TNFRSF18: variants seen among roughly 807,000 people sequenced by gnomAD.
TNFRSF18 encodes TNF receptor superfamily member 18, also known as tumor necrosis factor receptor superfamily member 18.
TNFRSF18 carries 36 observed loss-of-function variants against 30.2 expected under a neutral mutation model. The ratio of observed to expected loss-of-function variants is 1.19; its 90% CI spans 0.91 to 1.58. TNFRSF18 has a LOEUF of 1.58. Ranked by LOEUF, TNFRSF18 falls within the 40% of genes most tolerant of loss-of-function variation. The pLI, the probability that TNFRSF18 is intolerant of heterozygous loss-of-function variation, is 0.00. For synonymous variants in TNFRSF18, 173 were observed against 158.3 expected (o/e 1.09, Z -0.70); for missense variants, 369 against 345.4 (o/e 1.07, Z -0.54).
At position 1,203,714 on chromosome 1, in the gene TNFRSF18, A is replaced by G. The variant is rs1318164859; in HGVS notation, c.*130T>C. 5 of 1,560,118 alleles carry G rather than the reference A, an allele frequency of 3.2e-6. No individual in the cohort carries two copies. Among genetic ancestry groups the G allele is most frequent in the Non-Finnish European group, 4.3e-6 (5 of 1,158,506 alleles). On this transcript the variant is annotated 3_prime_UTR_variant, in exon 5 of 5. Coordinates refer to ENST00000379268, the MANE Select transcript of TNFRSF18 (RefSeq NM_004195.3). Reference sequence around the variant, plus strand: ...ATGGTCCAGGGCGCTGGTCACTGCCACCTTCCTGCACCCACTTCTGCTGCC... The same window carrying G: ...ATGGTCCAGGGCGCTGGTCACTGCCGCCTTCCTGCACCCACTTCTGCTGCC...
Position 1,203,930 on chromosome 1 carries a change from C to T in TNFRSF18, c.640G>A (p.Asp214Asn), listed in dbSNP as rs1163456816. The change falls in exon 5 of 5, where the codon GAC (aspartate) becomes AAC (asparagine). Residue 214 changes from aspartate to asparagine, a missense_variant. Transcript: ENST00000379268. ...LLLEVPPSTE[D>N]ARSCQFPEEE... is the part of the protein sequence containing the mutation. ...TCGGGGAACTGGCAGCTTCTGGCGTCTTCGGTCGACGGCGGCACCTCCAGC... is the reference window on the plus strand; with the variant it reads ...TCGGGGAACTGGCAGCTTCTGGCGTTTTCGGTCGACGGCGGCACCTCCAGC... 1 of 1,607,836 alleles carries T rather than the reference C, an allele frequency of 6.2e-7. No homozygotes were observed. The highest frequency in any genetic ancestry group is 8.5e-7 in the Non-Finnish European group (1 of 1,179,446).
chr1:1,203,515 A>G lies in TNFRSF18; in HGVS notation c.*329T>C. On this transcript the variant is annotated 3_prime_UTR_variant, in exon 5 of 5. Coordinates refer to ENST00000379268, the MANE Select transcript of TNFRSF18 (RefSeq NM_004195.3). ...AGCATGCATCCACTCAGGTCACTGG[A>G]CAAGTGTTTATTGAAGGTCCCCTGC... is the stretch of plus-strand genomic sequence containing the variant. 1 of 1,413,390 alleles carries G rather than the reference A, an allele frequency of 7.1e-7. No homozygotes were observed. Among genetic ancestry groups the G allele is most frequent in the Non-Finnish European group, 9.2e-7 (1 of 1,086,928 alleles). 87.6% of individuals were successfully genotyped at this position (1,413,390 alleles called of 1,614,324 possible).
chr1:1,204,345 C>T, intron 3 of TNFRSF18, 54 bp downstream of exon 3: 1 of 1,600,420 alleles, frequency 6.2e-7, no homozygotes, highest in Non-Finnish European at 8.5e-7. Context: ...GAGGACCCTT[C>T]CTCAGAGTGG....
Position 1,203,873 on chromosome 1 carries a change from TCTC to T in TNFRSF18, c.694_696del (p.Glu232del), listed in dbSNP as rs1648660078. On this transcript the variant is annotated inframe_deletion, in exon 5 of 5. Coordinates refer to ENST00000379268, the MANE Select transcript of TNFRSF18 (RefSeq NM_004195.3). ...ACCCACAGGTCTCCCAGCCGCCCCTTCTCCTCTGCCGATCGCTCGCCCCGCTCT... is the reference window on the plus strand; with the variant it reads ...ACCCACAGGTCTCCCAGCCGCCCCTTCTCTGCCGATCGCTCGCCCCGCTCT... 3 of 1,601,846 alleles carry T rather than the reference TCTC, an allele frequency of 1.9e-6. No individual in the cohort carries two copies. The highest frequency in any genetic ancestry group is 4.5e-5 in the East Asian group (2 of 44,666).
chr1:1,203,552 G>T lies in TNFRSF18; in HGVS notation c.*292C>A. The T allele has an allele frequency of 6.8e-7, 1 of 1,468,608 alleles. No individual in the cohort carries two copies. Among genetic ancestry groups the T allele is most frequent in the Non-Finnish European group, 8.9e-7 (1 of 1,117,462 alleles). The allele number at this position is 1,468,608 out of a possible 1,614,324, so 91.0% of individuals were successfully genotyped here. ...TGAAGGTCCCCTGCAGCCGGGTCCC[G>T]TGCTGGGCACTGCACACCCACGGAC... On this transcript the variant is annotated 3_prime_UTR_variant, in exon 5 of 5. Coordinates refer to ENST00000379268, the MANE Select transcript of TNFRSF18 (RefSeq NM_004195.3).
chr1:1,206,343 A>G (rs11466678), intron 1 of TNFRSF18, 42 bp downstream of exon 1: 94,016 of 1,534,590 alleles, frequency 0.061, 3,509 homozygotes, highest in East Asian at 0.15. Context: ...CTTCCGCGGG[A>G]CGCCTTGGCC....
Position 1,203,984 on chromosome 1 carries a change from G to C in TNFRSF18, c.602-16C>G, listed in dbSNP as rs199981192. The C allele has an allele frequency of 6.2e-7, 1 of 1,606,562 alleles. No homozygotes were observed. On this transcript the variant is annotated splice_polypyrimidine_tract_variant and intron_variant, in intron 4 of 4. Coordinates refer to ENST00000379268, the MANE Select transcript of TNFRSF18 (RefSeq NM_004195.3). ...AGCTGGGTCTCTGCAGGGGGGCCAC[G>C]GTCAGCAGGCAGCCATGCTCCCACC...
Position 1,204,500 on chromosome 1 carries a change from TGGGGGGA to T in TNFRSF18, c.311-21_311-15del. On this transcript the variant is annotated splice_polypyrimidine_tract_variant and intron_variant, in intron 2 of 4. Coordinates refer to ENST00000379268, the MANE Select transcript of TNFRSF18 (RefSeq NM_004195.3). ...AACTGAATTTCCCTGGTGTGGGGTG[TGGGGGGA>T]GGGAGGGAGGGAGGCTGGTGGAGTT... 3 of 354,678 alleles carry T rather than the reference TGGGGGGA, an allele frequency of 8.5e-6. No individual in the cohort carries two copies. Among genetic ancestry groups the T allele is most frequent in the Non-Finnish European group, 1.7e-5 (3 of 181,162 alleles). The allele number at this position is 354,678 out of a possible 1,614,324, so 22.0% of individuals were successfully genotyped here. A position where few individuals can be genotyped will look rare whatever the true frequency, so the allele number is the denominator to read the frequency against.
At chr1:1,206,059 G>A (rs1469479492) in intron 1 of TNFRSF18, among the ~76,000 whole-genome samples, 3 of 152,204 alleles carry the variant, frequency 2.0e-5, no homozygotes, top group Non-Finnish European at 2.9e-5. Context: ...GGCAGGAGGG[G>A]GCTGGGCGAT....
chr1:1,205,500 G>GGA lies in TNFRSF18; in HGVS notation c.188-10_188-9dup. The GGA allele has an allele frequency of 4.3e-6, 7 of 1,610,046 alleles. No individual in the cohort carries two copies. The highest frequency in any genetic ancestry group is 1.7e-4 in the Middle Eastern group (1 of 6,040). On this transcript the variant is annotated splice_polypyrimidine_tract_variant and intron_variant, in intron 1 of 4. Coordinates refer to ENST00000379268, the MANE Select transcript of TNFRSF18 (RefSeq NM_004195.3). The stretch of plus-strand genomic sequence containing the variant: ...CGGAACAGCACTCCTCGCCTGGGCA[G>GGA]GAGACAGGCCAGCCCCCCAGCAGCT...
intron 1 of TNFRSF18, among the ~76,000 whole-genome samples, chr1:1,206,148 C>T (rs1648814089): frequency 1.3e-5 from 2 of 152,192 alleles, no homozygotes; most frequent in South Asian, 4.1e-4. Flanking sequence ...CTCTTGAGGG[C>T]GCTCCCACCT....
intron 3 of TNFRSF18, 35 bp from the exon 4 acceptor site, chr1:1,204,271 C>T (rs779555120): frequency 1.8e-5 from 28 of 1,596,748 alleles, no homozygotes; most frequent in Non-Finnish European, 2.2e-5. Context: ...TATCAGCCCC[C>T]GGACACGGCC....
chr1:1,206,579 T>C lies in TNFRSF18; in HGVS notation c.-8A>G. ...CGCCCCGTGCTGTGCCATGCTCGGG[T>C]TTCAAGAGCCCACAGCCAGTTGGAC... On this transcript the variant is annotated 5_prime_UTR_variant, in exon 1 of 5. Coordinates refer to ENST00000379268, the MANE Select transcript of TNFRSF18 (RefSeq NM_004195.3). 1 of 1,482,414 alleles carries C rather than the reference T, an allele frequency of 6.7e-7. No individual in the cohort carries two copies. The highest frequency in any genetic ancestry group is 1.5e-5 in the African/African-American group (1 of 68,270). 91.8% of individuals were successfully genotyped at this position (1,482,414 alleles called of 1,614,324 possible). A position where few individuals can be genotyped will look rare whatever the true frequency, so the allele number is the denominator to read the frequency against.
chr1:1,204,512 G>T, intron 2 of TNFRSF18, 26 bp from the exon 3 acceptor site: 2 of 1,491,926 alleles, frequency 1.3e-6, no homozygotes, highest in South Asian at 1.1e-5. Flanking sequence ...GGGGGAGGGA[G>T]GGAGGGAGGC....
chr1:1,205,677 C>A, intron 1 of TNFRSF18, 185 bp from the exon 2 acceptor site: 2 of 649,534 alleles, frequency 3.1e-6, no homozygotes, highest in Non-Finnish European at 2.6e-6. Flanking sequence ...TCTCCTGGGG[C>A]CATGTGGCCT....
At position 1,205,431 on chromosome 1, in the gene TNFRSF18, G is replaced by T. The variant is rs774519078; in HGVS notation, c.249C>A (p.Asp83Glu). Residue 83 changes from aspartate to glutamate, a missense_variant, in exon 2 of 5, where the codon GAC becomes GAA. By Grantham distance (45) the Asp-to-Glu change is conservative (BLOSUM62 2). Transcript: ENST00000379268. ...GGTGCCGGCAGGTCGTGCAGCAAGG[G>T]TCTCCGCAGTGGAATTCAGGCTGGA... Reference protein sequence around the residue: ...MCVQPEFHCGDPCCTTCRHHP... With the variant: ...MCVQPEFHCGEPCCTTCRHHP... 5 of 1,612,640 alleles carry T rather than the reference G, an allele frequency of 3.1e-6. No individual in the cohort carries two copies. In the East Asian group the frequency reaches 1.1e-4, roughly 36 times the overall value.
chr1:1,205,027 G>C (rs1341943277), intron 2 of TNFRSF18, among the ~76,000 whole-genome samples: 2 of 152,196 alleles, frequency 1.3e-5, no homozygotes, highest in Non-Finnish European at 2.9e-5. Context: ...CAGGACTCCG[G>C]GGGGCACAGG....
In TNFRSF18 at chr1:1,205,496, G is replaced by A. The variant is rs1348150335; in HGVS notation, c.188-4C>T. ...CACTCGGAACAGCACTCCTCGCCTG[G>A]GCAGGAGACAGGCCAGCCCCCCAGC... On this transcript the variant is annotated splice_polypyrimidine_tract_variant and splice_region_variant and intron_variant, in intron 1 of 4. Coordinates refer to ENST00000379268, the MANE Select transcript of TNFRSF18 (RefSeq NM_004195.3). The A allele has an allele frequency of 6.2e-7, 1 of 1,610,554 alleles. No homozygotes were observed. The highest frequency in any genetic ancestry group is 1.1e-5 in the South Asian group (1 of 90,930).
chr1:1,204,505 G>T lies in TNFRSF18; in HGVS notation c.311-19C>A. On this transcript the variant is annotated intron_variant, in intron 2 of 4. Coordinates refer to ENST00000379268, the MANE Select transcript of TNFRSF18 (RefSeq NM_004195.3). ...AATTTCCCTGGTGTGGGGTGTGGGG[G>T]GAGGGAGGGAGGGAGGCTGGTGGAG... The T allele has an allele frequency of 8.3e-6, 12 of 1,437,208 alleles. No individual in the cohort carries two copies. The highest frequency in any genetic ancestry group is 1.2e-5 in the South Asian group (1 of 86,604). The allele number at this position is 1,437,208 out of a possible 1,614,324, so 89.0% of individuals were successfully genotyped here. A position where few individuals can be genotyped will look rare whatever the true frequency, so the allele number is the denominator to read the frequency against.
Sources: gnomAD v4.1 joint callset for allele counts (sites outside exome capture counted in the v4.1 genomes callset) on GRCh38, gnomAD v4.1.1 for gene constraint, MANE v1.5 for transcripts, NCBI Gene and HGNC (gene_info 2026-07-23, HGNC 2026-07-21) for gene names.